Variants in HIBADH observed in about 807,000 individuals in gnomAD.
HIBADH encodes the protein 3-hydroxyisobutyrate dehydrogenase.
HIBADH carries 25 observed loss-of-function variants against 36.1 expected under a neutral mutation model. The ratio of observed to expected loss-of-function variants is 0.69; its 90% CI spans 0.50 to 0.97. The LOEUF (loss-of-function observed/expected upper bound fraction) is 0.97. Ranked by LOEUF, HIBADH falls within the 50% of genes least tolerant of loss-of-function variation. The pLI is 0.00. For synonymous variants in HIBADH, 160 were observed against 149.5 expected (o/e 1.07, Z -0.51); for missense variants, 421 against 418.0 (o/e 1.01, Z -0.06).
chr7:27,620,841 A>G (rs1278037798), intron 4 of HIBADH, among the ~76,000 whole-genome samples: 2 of 152,162 alleles, frequency 1.3e-5, no homozygotes, highest in African/African-American at 4.8e-5. Context: ...CCATCAGAAA[A>G]TAATTAACAA....
At chr7:27,585,181 A>G (rs1363503446) in intron 4 of HIBADH, among the ~76,000 whole-genome samples, 2 of 152,018 alleles carry the variant, frequency 1.3e-5, no homozygotes, top group African/African-American at 4.8e-5. Context: ...ATATGTGTGT[A>G]TATATGCACA....
intron 2 of HIBADH, among the ~76,000 whole-genome samples, chr7:27,645,748 C>T (rs1313760232): frequency 6.6e-6 from 1 of 152,088 alleles, no homozygotes; most frequent in Non-Finnish European, 1.5e-5. Flanking sequence ...CTGGGTCATT[C>T]ATATATCTTC....
At chr7:27,571,943 TAGAC>T (rs1167403568) in intron 4 of HIBADH, among the ~76,000 whole-genome samples, 5 of 152,234 alleles carry the variant, frequency 3.3e-5, no homozygotes, top group Non-Finnish European at 5.9e-5. Context: ...GTAACCAGCA[TAGAC>T]AGACAGATTT....
At chr7:27,653,772 GT>G (rs1376159914) in intron 1 of HIBADH, among the ~76,000 whole-genome samples, 2 of 152,044 alleles carry the variant, frequency 1.3e-5, no homozygotes, top group Non-Finnish European at 2.9e-5. Context: ...CAAGGTTTCA[GT>G]GATAGGATGA....
intron 5 of HIBADH, among the ~76,000 whole-genome samples, chr7:27,539,110 G>T (rs908779024): frequency 1.3e-5 from 2 of 152,014 alleles, no homozygotes; most frequent in Non-Finnish European, 2.9e-5. Context: ...AATTTGACAC[G>T]GTAGGAAATA....
At chr7:27,536,153 A>T (rs1784067347) in intron 6 of HIBADH, among the ~76,000 whole-genome samples, 1 of 152,128 alleles carries the variant, frequency 6.6e-6, no homozygotes, top group Non-Finnish European at 1.5e-5. Flanking sequence ...TCTATTAGAG[A>T]ACAATCCTGT....
chr7:27,542,589 C>G (rs981810232), intron 5 of HIBADH, among the ~76,000 whole-genome samples: 3 of 151,578 alleles, frequency 2.0e-5, no homozygotes, highest in African/African-American at 7.3e-5. Flanking sequence ...GTAGCTGTGA[C>G]TATAAGTGTG....
chr7:27,650,093 T>A (rs1003171635), intron 1 of HIBADH, among the ~76,000 whole-genome samples: 4 of 152,130 alleles, frequency 2.6e-5, no homozygotes, highest in Non-Finnish European at 5.9e-5. Flanking sequence ...AATAATGTTA[T>A]CATTTATAAA....
At chr7:27,651,711 A>G (rs1786199016) in intron 1 of HIBADH, among the ~76,000 whole-genome samples, 1 of 152,222 alleles carries the variant, frequency 6.6e-6, no homozygotes, top group African/African-American at 2.4e-5. Context: ...AATTCAACAA[A>G]CACTAAGCAA....
At chr7:27,617,300 T>C (rs1303656215) in intron 4 of HIBADH, among the ~76,000 whole-genome samples, 2 of 152,212 alleles carry the variant, frequency 1.3e-5, no homozygotes, top group East Asian at 1.9e-4. Context: ...CTAGGAGCAA[T>C]AGACTATGGC....
At chr7:27,612,662 A>G (rs1311170411) in intron 4 of HIBADH, among the ~76,000 whole-genome samples, 1 of 150,020 alleles carries the variant, frequency 6.7e-6, no homozygotes, top group Non-Finnish European at 1.5e-5. Context: ...AGCCAGACAC[A>G]GGGGCTCACA....
chr7:27,636,245 T>C (rs1785839639), intron 2 of HIBADH, among the ~76,000 whole-genome samples: 1 of 152,192 alleles, frequency 6.6e-6, no homozygotes, highest in South Asian at 2.1e-4. Context: ...AAGTTCAGCA[T>C]TGCTTCCAAG....
At chr7:27,552,991 T>C (rs1374476860) in intron 4 of HIBADH, among the ~76,000 whole-genome samples, 6 of 152,160 alleles carry the variant, frequency 3.9e-5, no homozygotes, top group Non-Finnish European at 8.8e-5. Flanking sequence ...CATCTATCTC[T>C]TTTTTTAGAA....
chr7:27,532,405 G>C (rs1784015240), intron 6 of HIBADH, among the ~76,000 whole-genome samples: 1 of 152,166 alleles, frequency 6.6e-6, no homozygotes, highest in Admixed American at 6.5e-5. Flanking sequence ...TAAACAAACT[G>C]TGCATCTTGG....
intron 7 of HIBADH, among the ~76,000 whole-genome samples, chr7:27,529,813 G>A (rs1420558498): frequency 6.6e-6 from 1 of 152,204 alleles, no homozygotes; most frequent in Non-Finnish European, 1.5e-5. Context: ...GTGAAAGGAT[G>A]AGTAAATCAA....
intron 5 of HIBADH, among the ~76,000 whole-genome samples, chr7:27,539,186 T>C (rs960069648): frequency 6.6e-6 from 1 of 152,076 alleles, no homozygotes; most frequent in Non-Finnish European, 1.5e-5. Flanking sequence ...ATGGAGTTGG[T>C]CTGGGTTATG....
chr7:27,587,974 G>A (rs1359512660), intron 4 of HIBADH, among the ~76,000 whole-genome samples: 1 of 152,186 alleles, frequency 6.6e-6, no homozygotes, highest in Non-Finnish European at 1.5e-5. Context: ...AATAAGTAAT[G>A]TCTGTTTATG....
chr7:27,635,636 G>A (rs1463820149), intron 2 of HIBADH, among the ~76,000 whole-genome samples: 1 of 152,152 alleles, frequency 6.6e-6, no homozygotes, highest in East Asian at 1.9e-4. Context: ...CATGAAAAGG[G>A]GCTAAGGGGA....
intron 7 of HIBADH, among the ~76,000 whole-genome samples, chr7:27,526,992 A>T (rs907563795): frequency 7.9e-5 from 12 of 152,138 alleles, no homozygotes; most frequent in Non-Finnish European, 1.6e-4. Flanking sequence ...ACAGACCTGG[A>T]GCCAGGTGAA....
Sources: gnomAD v4.1 joint callset for allele counts (sites outside exome capture counted in the v4.1 genomes callset) on GRCh38, gnomAD v4.1.1 for gene constraint, MANE v1.5 for transcripts, NCBI Gene and HGNC (gene_info 2026-07-23, HGNC 2026-07-21) for gene names.